Variants in GDE1 observed in about 807,000 individuals in gnomAD.
The protein encoded by GDE1 is RGS16-interacting membrane protein.
A neutral mutation model predicts 32.2 loss-of-function variants in GDE1; 24 were observed. That is an observed-to-expected ratio of 0.75 (90% CI 0.54 to 1.05). The LOEUF is 1.05. Among genes scored for constraint, GDE1 ranks in the 50% least tolerant of loss-of-function variants. The probability of loss-of-function intolerance (pLI) is 0.00; values close to 1 mark genes in which losing one functional copy is unlikely to be tolerated. For missense variants in GDE1, 380 were observed against 415.0 expected (o/e 0.92, Z 0.73); for synonymous variants, 159 against 158.6 (o/e 1.00, Z -0.02).
chr16:19,511,479 T>C (rs1969318392), intron 2 of GDE1, among the ~76,000 whole-genome samples: 1 of 152,226 alleles, frequency 6.6e-6, no homozygotes, highest in African/African-American at 2.4e-5. Flanking sequence ...GACATATTTT[T>C]GTGATATGCG....
intron 2 of GDE1, 42 bp downstream of exon 2, chr16:19,516,972 T>C: frequency 6.4e-7 from 1 of 1,562,160 alleles, no homozygotes; most frequent in Non-Finnish European, 8.8e-7. Flanking sequence ...TCATTTCCAA[T>C]AAAAGCTAAA....
At chr16:19,512,496 C>T (rs1001801061) in intron 2 of GDE1, among the ~76,000 whole-genome samples, 2 of 152,154 alleles carry the variant, frequency 1.3e-5, no homozygotes, top group African/African-American at 2.4e-5. Flanking sequence ...CAAATATTTT[C>T]TCCTATTCAA....
In GDE1 at chr16:19,517,189, C is replaced by T. The variant is rs1294181478; in HGVS notation, c.262G>A (p.Ala88Thr). ...ACGCCTGTTGCTCCATTCTTAGCTG[C>T]CTTAACAAAAACATCAAGAATATTA... ...PENTLAAIRQ[A>T]AKNGATGVEL... The change falls in exon 2 of 6, where the codon GCA becomes ACA. Residue 88 changes from alanine to threonine, a missense_variant and splice_region_variant. By Grantham distance (58) the Ala-to-Thr change is moderately conservative. Transcript: ENST00000353258. 1.2e-6 allele frequency: 2 copies of T among 1,611,278 alleles called. No individual in the cohort carries two copies. The highest frequency in any genetic ancestry group is 2.2e-5 in the East Asian group (1 of 44,846).
At chr16:19,505,382 A>G (rs889643947) in intron 4 of GDE1, among the ~76,000 whole-genome samples, 13 of 152,218 alleles carry the variant, frequency 8.5e-5, no homozygotes, top group African/African-American at 2.9e-4. Flanking sequence ...TAATAATGTC[A>G]TGAGAATAAA....
intron 1 of GDE1, among the ~76,000 whole-genome samples, chr16:19,520,758 GAAGA>G (rs1303935526): frequency 6.7e-6 from 1 of 148,960 alleles, no homozygotes; most frequent in Non-Finnish European, 1.5e-5. Context: ...AAGGAAGGAA[GAAGA>G]GAGAGAAAAA....
intron 1 of GDE1, chr16:19,521,279 T>G: frequency 6.1e-6 from 1 of 164,442 alleles, no homozygotes; most frequent in Non-Finnish European, 1.3e-5. Flanking sequence ...TCGGAGACGA[T>G]TTCTCTTGAC....
At position 19,503,289 on chromosome 16, in the gene GDE1, C is replaced by T; in HGVS notation, c.*181G>A. The stretch of plus-strand genomic sequence containing the variant: ...AGCAACAGTGTTGAACTCTGGCATG[C>T]CATGGTGCATGGTGGCAACACCGGG... On this transcript the variant is annotated 3_prime_UTR_variant, in exon 6 of 6. Transcript: ENST00000353258. 1.7e-6 allele frequency: 1 copy of T among 594,250 alleles called. No individual in the cohort carries two copies. Among genetic ancestry groups the T allele is most frequent in the South Asian group, 2.2e-5 (1 of 45,392 alleles). 36.8% of individuals were successfully genotyped at this position (594,250 alleles called of 1,614,324 possible). A position where few individuals can be genotyped will look rare whatever the true frequency, so the allele number is the denominator to read the frequency against.
intron 2 of GDE1, 55 bp downstream of exon 2, chr16:19,516,959 C>G (rs940726989): frequency 6.8e-7 from 1 of 1,473,224 alleles, no homozygotes; most frequent in African/African-American, 1.4e-5. Flanking sequence ...GCACCAGTGT[C>G]TGTCATTTCC....
chr16:19,520,763 G>C (rs1240113168), intron 1 of GDE1, among the ~76,000 whole-genome samples: 2 of 150,638 alleles, frequency 1.3e-5, no homozygotes, highest in African/African-American at 4.9e-5. Context: ...AGGAAGAAGA[G>C]AGAGAAAAAT....
rs572378276 is a variant in GDE1 at position 19,521,989 on chromosome 16, G to T, written c.-25C>A. The T allele has an allele frequency of 1.3e-6, 2 of 1,518,368 alleles. No individual in the cohort carries two copies. Among genetic ancestry groups the T allele is most frequent in the Non-Finnish European group, 8.9e-7 (1 of 1,128,562 alleles). 94.1% of individuals were successfully genotyped at this position (1,518,368 alleles called of 1,614,324 possible). A position where few individuals can be genotyped will look rare whatever the true frequency, so the allele number is the denominator to read the frequency against. On this transcript the variant is annotated 5_prime_UTR_variant, in exon 1 of 6. Transcript: ENST00000353258. ...TGCCGGCGCCCGCACCGGCACGGAC[G>T]GGAGTCCCGGACCCGCCGGGCTCCT...
chr16:19,507,771 C>T lies in GDE1; in HGVS notation c.552G>A (p.Glu184=). The part of the protein sequence containing the change: ...DVKGHAHKAT[E]ALKKMYMEFP... ...ATTCCATATACATTTTCTTTAGAGC[C>T]TCAGTAGCCTGTAAAATAAAGAGAT... Residue 184 remains glutamate, a synonymous_variant, in exon 4 of 6, where the codon GAG becomes GAA. Coordinates refer to ENST00000353258, the MANE Select transcript of GDE1 (RefSeq NM_016641.4). The T allele has an allele frequency of 1.4e-6, 2 of 1,436,258 alleles. No homozygotes were observed. 89.0% of individuals were successfully genotyped at this position (1,436,258 alleles called of 1,614,324 possible).
In GDE1 at chr16:19,510,284, G is replaced by A. The variant is rs74011416; in HGVS notation, c.543+555C>T. Among the ~76,000 whole-genome samples the A allele has an allele frequency of 5.4e-3, 820 of 152,188 alleles. 8 individuals are homozygous for A. Among genetic ancestry groups the A allele is most frequent in the African/African-American group, 0.018 (757 of 41,520 alleles). On this transcript the variant is annotated intron_variant, in intron 3 of 5. Transcript: ENST00000353258. ...GAAAATAAATGATTTTCTGATAAAA[G>A]TATAACTGCTAAAATCAATGAATAA...
intron 5 of GDE1, chr16:19,503,853 T>G: frequency 2.4e-6 from 1 of 409,660 alleles, no homozygotes; most frequent in Non-Finnish European, 4.4e-6. Context: ...CACCCCCAAA[T>G]GTCCTTGGCA....
chr16:19,521,783 G>A lies in GDE1; in HGVS notation c.182C>T (p.Pro61Leu). 6.2e-7 allele frequency: 1 copy of A among 1,612,096 alleles called. No individual in the cohort carries two copies. The highest frequency in any genetic ancestry group is 8.5e-7 in the Non-Finnish European group (1 of 1,179,604). The change falls in exon 1 of 6, where the codon CCC (proline) becomes CTC (leucine). Residue 61 changes from proline (P) to leucine (L), a missense_variant. Transcript: ENST00000353258. ...GGCGATGGCAGAAATGCGGTCCCGGGGCTTGAGCACCTGCAGGGCCCTGCA... is the reference window on the plus strand; with the variant it reads ...GGCGATGGCAGAAATGCGGTCCCGGAGCTTGAGCACCTGCAGGGCCCTGCA... ...PSCRALQVLKPRDRISAIAHR... is the reference protein window; with the variant it reads ...PSCRALQVLKLRDRISAIAHR...
intron 1 of GDE1, among the ~76,000 whole-genome samples, chr16:19,519,669 C>A (rs1419056312): frequency 1.3e-5 from 2 of 152,078 alleles, no homozygotes; most frequent in Non-Finnish European, 2.9e-5. Flanking sequence ...CTTTTTATCT[C>A]AATTACTGGA....
chr16:19,520,595 C>T (rs1422598657), intron 1 of GDE1, among the ~76,000 whole-genome samples: 1 of 151,462 alleles, frequency 6.6e-6, no homozygotes, highest in African/African-American at 2.4e-5. Context: ...CGTGGTGGCA[C>T]ACGCCTGTAA....
chr16:19,517,701 G>A (rs1186485712), intron 1 of GDE1, among the ~76,000 whole-genome samples: 4 of 152,164 alleles, frequency 2.6e-5, no homozygotes, highest in Non-Finnish European at 5.9e-5. Flanking sequence ...GTTTATGTAA[G>A]CAGCACTGGC....
In GDE1 at chr16:19,504,882, G is replaced by T; in HGVS notation, c.847C>A (p.Pro283Thr). The T allele has an allele frequency of 6.3e-7, 1 of 1,594,920 alleles. No individual in the cohort carries two copies. Among genetic ancestry groups the T allele is most frequent in the Non-Finnish European group, 8.6e-7 (1 of 1,163,998 alleles). ...AAAATAAAAAACCTTCCAACTTACG[G>T]GGATACAAAATCCTTTTGCATGAGG... is the stretch of plus-strand genomic sequence containing the variant. ...AFLMQKDFVS[P>T]AYLKKWSAKG... is the part of the protein sequence containing the mutation. The change falls in exon 5 of 6, where the codon CCG (proline) becomes ACG (threonine). Residue 283 changes from proline to threonine, a missense_variant and splice_region_variant. Coordinates refer to ENST00000353258, the MANE Select transcript of GDE1 (RefSeq NM_016641.4).
intron 3 of GDE1, among the ~76,000 whole-genome samples, chr16:19,510,058 A>C (rs1969298106): frequency 6.6e-6 from 1 of 152,216 alleles, no homozygotes. Flanking sequence ...CCGATTATTA[A>C]TATTGCTAGG....
Sources: allele counts gnomAD v4.1 joint callset (sites outside exome capture counted in the v4.1 genomes callset), GRCh38; gene constraint gnomAD v4.1.1; transcripts MANE v1.5; gene names NCBI Gene and HGNC (gene_info 2026-07-23, HGNC 2026-07-21).